The following LCMT2 variants were observed in gnomAD, a reference collection of about 807,000 sequenced individuals.
LCMT2 encodes the protein leucine carboxyl methyltransferase 2.
A neutral mutation model predicts 42.0 loss-of-function variants in LCMT2; 34 were observed. The observed-to-expected ratio is 0.81, with a 90% CI of 0.62 to 1.08. The LOEUF (loss-of-function observed/expected upper bound fraction) is 1.08. Ranked by LOEUF, LCMT2 falls within the 50% of genes least tolerant of loss-of-function variation. LCMT2 has a pLI of 0.00. For synonymous variants in LCMT2, 445 were observed against 369.5 expected (o/e 1.20, Z -2.34); for missense variants, 1,091 against 889.4 (o/e 1.23, Z -2.88).
chr15:43,329,727 G>A lies in LCMT2; in HGVS notation c.763C>T (p.Arg255Trp), dbSNP rs141122465. ...CAGCCAGCTTGAAGGAAGCGGCGCC[G>A]CTGCGCCTCCACGTCAGGAAAACGC... is the stretch of plus-strand genomic sequence containing the variant. ...LERFPDVEAQRRRFLQAGWTA... is the reference protein window; with the variant it reads ...LERFPDVEAQWRRFLQAGWTA... The change falls in exon 1 of 1, where the codon CGG becomes TGG. Residue 255 changes from arginine (R) to tryptophan (W), a missense_variant. Coordinates refer to ENST00000305641, the MANE Select transcript of LCMT2 (RefSeq NM_014793.5). 3 of 1,613,332 alleles carry A rather than the reference G, an allele frequency of 1.9e-6. No homozygotes were observed. The highest frequency in any genetic ancestry group is 1.1e-5 in the South Asian group (1 of 91,082).
At position 43,330,073 on chromosome 15, in the gene LCMT2, G is replaced by C; in HGVS notation, c.417C>G (p.Phe139Leu). 4 of 1,612,140 alleles carry C rather than the reference G, an allele frequency of 2.5e-6. No individual in the cohort carries two copies. Residue 139 changes from phenylalanine (F) to leucine (L), a missense_variant, in exon 1 of 1, where the codon TTC becomes TTG. Coordinates refer to ENST00000305641, the MANE Select transcript of LCMT2 (RefSeq NM_014793.5). ...TPELCALTGP[F>L]ERGEPASALC... is the part of the protein sequence containing the mutation. ...GCGCGGACGCGGGCTCCCCCCTCTCGAAAGGCCCGGTTAACGCGCACAGCT... is the reference window on the plus strand; with the variant it reads ...GCGCGGACGCGGGCTCCCCCCTCTCCAAAGGCCCGGTTAACGCGCACAGCT...
Position 43,325,161 on chromosome 15 carries a change from T to C in LCMT2, c.*3268A>G, listed in dbSNP as rs566638215. ...TGAAACCCTGACCCAGAGTGGAGAT[T>C]CAAAATAAGAAATTACTTTCCTTCC... On this transcript the variant is annotated 3_prime_UTR_variant, in exon 1 of 1. Transcript: ENST00000305641. 2 of 152,322 alleles carry C rather than the reference T, an allele frequency of 1.3e-5. No individual in the cohort carries two copies. The highest frequency in any genetic ancestry group is 2.9e-5 in the Non-Finnish European group (2 of 68,026). 9.4% of individuals were successfully genotyped at this position (152,322 alleles called of 1,614,324 possible). A position where few individuals can be genotyped will look rare whatever the true frequency, so the allele number is the denominator to read the frequency against.
Position 43,328,592 on chromosome 15 carries a change from T to C in LCMT2, c.1898A>G (p.Tyr633Cys). The change falls in exon 1 of 1, where the codon TAT becomes TGT. Residue 633 changes from tyrosine (Y) to cysteine (C), a missense_variant. Transcript: ENST00000305641. The stretch of plus-strand genomic sequence containing the variant: ...GTGTAACATTAATGGCCATGGCACA[T>C]ATGTTGTGTCAATCTGATACTCAGA... The part of the protein sequence containing the change: ...LSSEYQIDTT[Y>C]VPWPLMLHNH... The C allele has an allele frequency of 1.2e-6, 2 of 1,614,134 alleles. No individual in the cohort carries two copies. The highest frequency in any genetic ancestry group is 2.2e-5 in the East Asian group (1 of 44,888).
chr15:43,329,733 C>A lies in LCMT2; in HGVS notation c.757G>T (p.Ala253Ser). The change falls in exon 1 of 1, where the codon GCG becomes TCG. Residue 253 changes from alanine to serine, a missense_variant. By Grantham distance (99) the Ala-to-Ser change is moderately conservative. Transcript: ENST00000305641. ...HGLERFPDVE[A>S]QRRRFLQAGW... ...GCTTGAAGGAAGCGGCGCCGCTGCG[C>A]CTCCACGTCAGGAAAACGCTCCAGG... The A allele has an allele frequency of 6.2e-7, 1 of 1,613,476 alleles. No homozygotes were observed. The highest frequency in any genetic ancestry group is 1.1e-5 in the South Asian group (1 of 91,090).
rs966145428 is a variant in LCMT2, at chr15:43,326,889, CAAT to C, written c.*1537_*1539del. 1 of 152,162 alleles carries C rather than the reference CAAT, an allele frequency of 6.6e-6. No homozygotes were observed. The highest frequency in any genetic ancestry group is 2.4e-5 in the African/African-American group (1 of 41,426). The allele number at this position is 152,162 out of a possible 1,614,324, so 9.4% of individuals were successfully genotyped here. A position where few individuals can be genotyped will look rare whatever the true frequency, so the allele number is the denominator to read the frequency against. On this transcript the variant is annotated 3_prime_UTR_variant, in exon 1 of 1. Transcript: ENST00000305641. The stretch of plus-strand genomic sequence containing the variant: ...AGAAATAAAGGATGCAATTTGTCAT[CAAT>C]GATGGTTCATAATAATCATTTAGGC...
rs1439771725 is a variant in LCMT2, at chr15:43,328,335, AAGG to A, written c.*91_*93del. The A allele has an allele frequency of 1.7e-5, 22 of 1,324,934 alleles. No homozygotes were observed. Among genetic ancestry groups the A allele is most frequent in the South Asian group, 8.4e-5 (6 of 71,132 alleles). 82.1% of individuals were successfully genotyped at this position (1,324,934 alleles called of 1,614,324 possible). A position where few individuals can be genotyped will look rare whatever the true frequency, so the allele number is the denominator to read the frequency against. ...TGCTAAGGGAAAAAAAGGATGGGGA[AAGG>A]AGGAGTGGCAGTATCTATAGCTAGA... On this transcript the variant is annotated 3_prime_UTR_variant, in exon 1 of 1. Transcript: ENST00000305641.
chr15:43,329,564 AG>A lies in LCMT2; in HGVS notation c.925del (p.Leu309TrpfsTer13). ...WHLKCAHYFI[L>X]AASRGDTLSH... The stretch of plus-strand genomic sequence containing the variant: ...GAGGGTGTCTCCCCTAGAAGCTGCC[AG>A]AATGAAATAATGGGCGCACTTCAGA... On this transcript the variant is annotated frameshift_variant, in exon 1 of 1. Transcript: ENST00000305641. LOFTEE classifies it high-confidence loss of function. 1 of 1,614,126 alleles carries A rather than the reference AG, an allele frequency of 6.2e-7. No homozygotes were observed.
Position 43,330,163 on chromosome 15 carries a change from T to G in LCMT2, c.327A>C (p.Ala109=). 2 of 1,611,506 alleles carry G rather than the reference T, an allele frequency of 1.2e-6. No individual in the cohort carries two copies. The highest frequency in any genetic ancestry group is 1.7e-6 in the Non-Finnish European group (2 of 1,179,784). Residue 109 remains alanine, a synonymous_variant, in exon 1 of 1, where the codon GCA becomes GCC. Coordinates refer to ENST00000305641, the MANE Select transcript of LCMT2 (RefSeq NM_014793.5). ...CGTCCGGAAAATCCACCTCCCAGAC[T>G]GCAGCCCGGGCCAGGCGGCCCGCGG... The part of the protein sequence containing the change: ...LKTAGRLARA[A]VWEVDFPDVA...
In LCMT2 at chr15:43,327,571, G is replaced by C. The variant is rs1157083133; in HGVS notation, c.*858C>G. 1 of 152,198 alleles carries C rather than the reference G, an allele frequency of 6.6e-6. No individual in the cohort carries two copies. Among genetic ancestry groups the C allele is most frequent in the Non-Finnish European group, 1.5e-5 (1 of 68,054 alleles). 9.4% of individuals were successfully genotyped at this position (152,198 alleles called of 1,614,324 possible). On this transcript the variant is annotated 3_prime_UTR_variant, in exon 1 of 1. Coordinates refer to ENST00000305641, the MANE Select transcript of LCMT2 (RefSeq NM_014793.5). ...ACTGCCAACTTGCAAACCAACAGGG[G>C]AAGAATTGGGAATAAATACCAACTC...
Position 43,330,573 on chromosome 15 carries a change from G to C in LCMT2, c.-84C>G, listed in dbSNP as rs535518965. On this transcript the variant is annotated 5_prime_UTR_variant, in exon 1 of 1. Coordinates refer to ENST00000305641, the MANE Select transcript of LCMT2 (RefSeq NM_014793.5). ...CACACACCTCACGGACCTCGGTAGG[G>C]GGAAAAAAACCACCCATGCTCCTGG... 4 of 1,447,110 alleles carry C rather than the reference G, an allele frequency of 2.8e-6. No individual in the cohort carries two copies. The highest frequency in any genetic ancestry group is 1.5e-5 in the South Asian group (1 of 65,858). The allele number at this position is 1,447,110 out of a possible 1,614,324, so 89.6% of individuals were successfully genotyped here.
rs1347915410 is a variant in LCMT2, at chr15:43,329,461, G to A, written c.1029C>T (p.Ala343=). The change falls in exon 1 of 1, where the codon GCC becomes GCT. Residue 343 remains alanine, a synonymous_variant. Coordinates refer to ENST00000305641, the MANE Select transcript of LCMT2 (RefSeq NM_014793.5). ...NPASPSGVFP[A]SVVSSEGQVP... ...CCTGGCCCTCGCTACTGACTACGCT[G>A]GCAGGGAATACCCCTGAAGGCGAAG... 2 of 1,614,178 alleles carry A rather than the reference G, an allele frequency of 1.2e-6. No homozygotes were observed. Among genetic ancestry groups the A allele is most frequent in the South Asian group, 2.2e-5 (2 of 91,090 alleles).
chr15:43,330,503 T>A lies in LCMT2; in HGVS notation c.-14A>T, dbSNP rs1423479713. 1 of 1,512,648 alleles carries A rather than the reference T, an allele frequency of 6.6e-7. No individual in the cohort carries two copies. The highest frequency in any genetic ancestry group is 8.8e-7 in the Non-Finnish European group (1 of 1,134,968). The allele number at this position is 1,512,648 out of a possible 1,614,324, so 93.7% of individuals were successfully genotyped here. A position where few individuals can be genotyped will look rare whatever the true frequency, so the allele number is the denominator to read the frequency against. On this transcript the variant is annotated 5_prime_UTR_variant, in exon 1 of 1. Coordinates refer to ENST00000305641, the MANE Select transcript of LCMT2 (RefSeq NM_014793.5). The stretch of plus-strand genomic sequence containing the variant: ...CCGGGGGCCCATGGCCAGAAGAGAC[T>A]CAGGAATGGCAGTCTGTCACGGTTG...
rs754118693 is a variant in LCMT2 at position 43,326,669 on chromosome 15, G to C, written c.*1760C>G. ...TGGCTTTAAGTGATCCTTCTGTCTT[G>C]GCCTCCCAAAGTGCTGGAATTATAG... On this transcript the variant is annotated 3_prime_UTR_variant, in exon 1 of 1. Coordinates refer to ENST00000305641, the MANE Select transcript of LCMT2 (RefSeq NM_014793.5). 7.2e-5 allele frequency: 11 copies of C among 152,218 alleles called. No homozygotes were observed. Among genetic ancestry groups the C allele is most frequent in the Non-Finnish European group, 1.6e-4 (11 of 68,028 alleles). 9.4% of individuals were successfully genotyped at this position (152,218 alleles called of 1,614,324 possible). A position where few individuals can be genotyped will look rare whatever the true frequency, so the allele number is the denominator to read the frequency against.
chr15:43,329,471 A>G lies in LCMT2; in HGVS notation c.1019T>C (p.Val340Ala). The change falls in exon 1 of 1, where the codon GTA becomes GCA. Residue 340 changes from valine (V) to alanine (A), a missense_variant. Val to Ala is a moderately conservative substitution (Grantham distance 64). Transcript: ENST00000305641. ...PRVNPASPSG[V>A]FPASVVSSEG... ...GCTACTGACTACGCTGGCAGGGAAT[A>G]CCCCTGAAGGCGAAGCAGGATTTAC... 1 of 1,614,100 alleles carries G rather than the reference A, an allele frequency of 6.2e-7. No individual in the cohort carries two copies. Among genetic ancestry groups the G allele is most frequent in the Non-Finnish European group, 8.5e-7 (1 of 1,180,014 alleles).
In LCMT2 at chr15:43,327,666, AAG is replaced by A. The variant is rs1471489107; in HGVS notation, c.*761_*762del. On this transcript the variant is annotated 3_prime_UTR_variant, in exon 1 of 1. Coordinates refer to ENST00000305641, the MANE Select transcript of LCMT2 (RefSeq NM_014793.5). ...ACTGGTGGAACTCAACCAAAAAGTA[AAG>A]AGAGCTCCTTGATGCAGCCCATAAA... 6.6e-6 allele frequency: 1 copy of A among 152,270 alleles called. No homozygotes were observed. Among genetic ancestry groups the A allele is most frequent in the East Asian group, 1.9e-4 (1 of 5,198 alleles). 9.4% of individuals were successfully genotyped at this position (152,270 alleles called of 1,614,324 possible). A position where few individuals can be genotyped will look rare whatever the true frequency, so the allele number is the denominator to read the frequency against.
In LCMT2 at chr15:43,330,140, T is replaced by G. The variant is rs1596474546; in HGVS notation, c.350A>C (p.Asp117Ala). ...RAAVWEVDFP[D>A]VARRKAERIG... ...CCTTTCTGCTTTGCGCCGCGCCACG[T>G]CCGGAAAATCCACCTCCCAGACTGC... The change falls in exon 1 of 1, where the codon GAC becomes GCC. Residue 117 changes from aspartate (D) to alanine (A), a missense_variant. By Grantham distance (126) the Asp-to-Ala change is moderately radical (BLOSUM62 -2). Transcript: ENST00000305641. The G allele has an allele frequency of 6.2e-7, 1 of 1,610,944 alleles. No homozygotes were observed. Among genetic ancestry groups the G allele is most frequent in the Non-Finnish European group, 8.5e-7 (1 of 1,179,662 alleles).
chr15:43,326,089 A>G lies in LCMT2; in HGVS notation c.*2340T>C, dbSNP rs1220669569. On this transcript the variant is annotated 3_prime_UTR_variant, in exon 1 of 1. Transcript: ENST00000305641. The stretch of plus-strand genomic sequence containing the variant: ...TTTTGGGTAGAGACGGAGTTTCACC[A>G]TATTGGCCAGGCTGGTCTCCAACTC... 8.4e-6 allele frequency: 1 copy of G among 118,996 alleles called. No homozygotes were observed. The highest frequency in any genetic ancestry group is 1.6e-5 in the Non-Finnish European group (1 of 60,980). 7.4% of individuals were successfully genotyped at this position (118,996 alleles called of 1,614,324 possible).
chr15:43,329,056 A>G lies in LCMT2; in HGVS notation c.1434T>C (p.Cys478=). The part of the protein sequence containing the change: ...KAGRKDDSTL[C]CWRHSTTEVS... ...CTTCTGTTGTTGAATGCCGCCAACA[A>G]CACAAAGTGGAATCATCCTTTCGGC... The change falls in exon 1 of 1, where the codon TGT becomes TGC. Residue 478 remains cysteine (C), a synonymous_variant. Coordinates refer to ENST00000305641, the MANE Select transcript of LCMT2 (RefSeq NM_014793.5). 1 of 1,614,106 alleles carries G rather than the reference A, an allele frequency of 6.2e-7. No homozygotes were observed. The highest frequency in any genetic ancestry group is 1.6e-4 in the Middle Eastern group (1 of 6,062).
Position 43,328,349 on chromosome 15 carries a change from G to A in LCMT2, c.*80C>T. On this transcript the variant is annotated 3_prime_UTR_variant, in exon 1 of 1. Coordinates refer to ENST00000305641, the MANE Select transcript of LCMT2 (RefSeq NM_014793.5). ...AAGGATGGGGAAAGGAGGAGTGGCA[G>A]TATCTATAGCTAGAGGGTCATCCTA... is the stretch of plus-strand genomic sequence containing the variant. The A allele has an allele frequency of 7.1e-7, 1 of 1,403,522 alleles. No homozygotes were observed. Among genetic ancestry groups the A allele is most frequent in the South Asian group, 1.4e-5 (1 of 73,510 alleles). The allele number at this position is 1,403,522 out of a possible 1,614,324, so 86.9% of individuals were successfully genotyped here.
Sources: gnomAD v4.1 joint callset for allele counts on GRCh38, gnomAD v4.1.1 for gene constraint, MANE v1.5 for transcripts, NCBI Gene and HGNC (gene_info 2026-07-23, HGNC 2026-07-21) for gene names.